PCED1B: variants seen among roughly 807,000 people sequenced by gnomAD.
The protein encoded by PCED1B is PC-esterase domain-containing protein 1B.
For synonymous variants in PCED1B, 251 were observed against 246.1 expected (o/e 1.02, Z -0.19); for missense variants, 573 against 573.9 (o/e 1.00, Z 0.02).
chr12:47,179,996 T>C (rs1443692628), intron 2 of PCED1B, among the ~76,000 whole-genome samples: 3 of 152,174 alleles, frequency 2.0e-5, no homozygotes, highest in Admixed American at 6.5e-5. Context: ...GTTTGTTACA[T>C]ATGCAAACAT....
rs1341551175 is a variant in PCED1B, at chr12:47,186,091, C to A, written c.-525-30131C>A. ...AAATTAGCCAGATGTGGTGGCACGC[C>A]CCTGTAATCCCAGCTACTCAGGAGA... On this transcript the variant is annotated intron_variant, in intron 2 of 3. Coordinates refer to ENST00000546455, the MANE Select transcript of PCED1B (RefSeq NM_138371.3). Among the ~76,000 whole-genome samples the A allele has an allele frequency of 5.7e-4, 86 of 151,718 alleles. 1 individual carries two copies. Among genetic ancestry groups the A allele is most frequent in the African/African-American group, 2.1e-3 (86 of 41,350 alleles).
At chr12:47,173,475 A>G (rs1941818428) in intron 2 of PCED1B, among the ~76,000 whole-genome samples, 1 of 152,022 alleles carries the variant, frequency 6.6e-6, no homozygotes, top group Non-Finnish European at 1.5e-5. Context: ...GATGGTCTCG[A>G]TCTCTTGACC....
At chr12:47,192,312 C>CTT (rs1159837573) in intron 2 of PCED1B, among the ~76,000 whole-genome samples, 1 of 151,914 alleles carries the variant, frequency 6.6e-6, no homozygotes, top group Non-Finnish European at 1.5e-5. Flanking sequence ...AAATAGGCTG[C>CTT]AGAGAACAGG....
intron 3 of PCED1B, among the ~76,000 whole-genome samples, chr12:47,233,246 T>G (rs531609717): frequency 6.6e-6 from 1 of 152,160 alleles, no homozygotes; most frequent in East Asian, 1.9e-4. Flanking sequence ...AAGCTCCGCC[T>G]CCTGGGCTCA....
chr12:47,236,354 C>T lies in PCED1B; in HGVS notation c.1291C>T (p.Pro431Ser), dbSNP rs781735977. 1.9e-6 allele frequency: 3 copies of T among 1,590,826 alleles called. No homozygotes were observed. The highest frequency in any genetic ancestry group is 2.7e-5 in the African/African-American group (2 of 73,730). The change falls in exon 4 of 4, where the codon CCT (proline) becomes TCT (serine). Residue 431 changes from proline to serine, a missense_variant. Coordinates refer to ENST00000546455, the MANE Select transcript of PCED1B (RefSeq NM_138371.3). ...RRAPANPEPR[P>S]Q ...GGCCCCAGCCAATCCTGAGCCAAGG[C>T]CTCAATAGACGGACCTAGGCCTTAT...
intron 2 of PCED1B, among the ~76,000 whole-genome samples, chr12:47,109,969 A>G (rs1174308272): frequency 1.3e-5 from 2 of 152,208 alleles, no homozygotes; most frequent in Non-Finnish European, 2.9e-5. Flanking sequence ...TTTGGGCAGT[A>G]TATCAAACTC....
At chr12:47,106,682 C>T (rs1055199997) in intron 2 of PCED1B, among the ~76,000 whole-genome samples, 1 of 152,234 alleles carries the variant, frequency 6.6e-6, no homozygotes, top group Non-Finnish European at 1.5e-5. Flanking sequence ...ATCAGCCTCA[C>T]TTCTCTGTTT....
In PCED1B at chr12:47,135,751, C is replaced by G. The variant is rs74083865; in HGVS notation, c.-526+31556C>G. On this transcript the variant is annotated intron_variant, in intron 2 of 3. Transcript: ENST00000546455. ...ACGACATGGTCGGGCACGGAGGTCT[C>G]ACTGCAGATGTGGATCATGGTGAAC... 1.7e-3 allele frequency: 921 copies of G among 532,044 alleles called. 11 individuals are homozygous for G. The highest frequency in any genetic ancestry group is 0.016 in the African/African-American group (850 of 52,088). The allele number at this position is 532,044 out of a possible 1,614,324, so 33.0% of individuals were successfully genotyped here. A position where few individuals can be genotyped will look rare whatever the true frequency, so the allele number is the denominator to read the frequency against.
chr12:47,178,023 G>T lies in PCED1B; in HGVS notation c.-525-38199G>T, dbSNP rs1170125643. 3.3e-5 allele frequency among the ~76,000 whole-genome samples: 5 copies of T among 152,112 alleles called. No individual in the cohort carries two copies. In the East Asian group the frequency reaches 9.6e-4, roughly 29 times the overall value. On this transcript the variant is annotated intron_variant, in intron 2 of 3. Transcript: ENST00000546455. ...ATCTATTTTCTTGGGAGACTTTAAGGTTCTAGGAGAGGGTAAAGGCCAGAA... is the reference window on the plus strand; with the variant it reads ...ATCTATTTTCTTGGGAGACTTTAAGTTTCTAGGAGAGGGTAAAGGCCAGAA...
Position 47,216,203 on chromosome 12 carries a change from C to T in PCED1B, c.-525-19C>T, listed in dbSNP as rs1306589432. 6.6e-6 allele frequency: 1 copy of T among 152,162 alleles called. No homozygotes were observed. 9.4% of individuals were successfully genotyped at this position (152,162 alleles called of 1,614,324 possible). ...CTTTCTTCTCACTTCCTCCTTTCCC[C>T]TTCTGACCATCTTTTCAGCCGTGAA... On this transcript the variant is annotated intron_variant, in intron 2 of 3. Transcript: ENST00000546455.
chr12:47,118,505 G>A (rs1939531383), intron 2 of PCED1B, among the ~76,000 whole-genome samples: 1 of 152,160 alleles, frequency 6.6e-6, no homozygotes. Flanking sequence ...GGTTGTAGAT[G>A]TGTGGTATTA....
chr12:47,081,341 T>C (rs1937707986), intron 1 of PCED1B, among the ~76,000 whole-genome samples: 1 of 152,190 alleles, frequency 6.6e-6, no homozygotes, highest in African/African-American at 2.4e-5. Flanking sequence ...CAATCTTGAA[T>C]TTAGTGAAAG....
At chr12:47,090,912 C>CATTT (rs150130035) in intron 1 of PCED1B, among the ~76,000 whole-genome samples, 6,948 of 151,974 alleles carry the variant, frequency 0.046, 465 homozygotes, top group African/African-American at 0.15. Flanking sequence ...TTGGAACAAC[C>CATTT]ATTTGTTCCA....
chr12:47,081,548 A>C (rs1013502694), intron 1 of PCED1B, among the ~76,000 whole-genome samples: 1 of 152,170 alleles, frequency 6.6e-6, no homozygotes, highest in Non-Finnish European at 1.5e-5. Context: ...ACAGCCTAAA[A>C]TGCTTCATGC....
intron 2 of PCED1B, 126 bp downstream of exon 2, chr12:47,104,321 C>T (rs889873397): frequency 1.3e-5 from 2 of 152,188 alleles, no homozygotes; most frequent in Non-Finnish European, 2.9e-5. Flanking sequence ...AGCTGTGTGA[C>T]TTGGGGCAAA....
chr12:47,088,916 T>C (rs1938117551), intron 1 of PCED1B, among the ~76,000 whole-genome samples: 1 of 152,206 alleles, frequency 6.6e-6, no homozygotes, highest in Admixed American at 6.5e-5. Flanking sequence ...TTTCCTTTCC[T>C]GGGAAGGCTC....
intron 3 of PCED1B, among the ~76,000 whole-genome samples, chr12:47,227,338 A>AT (rs1943663149): frequency 6.6e-6 from 1 of 151,694 alleles, no homozygotes; most frequent in Non-Finnish European, 1.5e-5. Flanking sequence ...TGCCCACATA[A>AT]TTTTTGTAGT....
chr12:47,131,730 G>A (rs1045363418), intron 2 of PCED1B, among the ~76,000 whole-genome samples: 7 of 145,428 alleles, frequency 4.8e-5, no homozygotes, highest in Non-Finnish European at 8.9e-5. Flanking sequence ...GTGCAGTGGC[G>A]CAATCTCGTC....
At chr12:47,126,888 A>G (rs187671686) in intron 2 of PCED1B, among the ~76,000 whole-genome samples, 3 of 150,666 alleles carry the variant, frequency 2.0e-5, no homozygotes, top group African/African-American at 7.3e-5. Context: ...TTCTTCTCTC[A>G]CTCTTCTTTT....
Sources: gnomAD v4.1 joint callset for allele counts (sites outside exome capture counted in the v4.1 genomes callset) on GRCh38, gnomAD v4.1.1 for gene constraint, MANE v1.5 for transcripts, NCBI Gene and HGNC (gene_info 2026-07-23, HGNC 2026-07-21) for gene names.